PTPRD: variants seen among roughly 807,000 people sequenced by gnomAD.
The protein encoded by PTPRD is protein tyrosine phosphatase receptor type D.
In PTPRD, 34 loss-of-function variants were observed where a neutral mutation model predicts 214.5. The ratio of observed to expected loss-of-function variants is 0.16; its 90% CI spans 0.12 to 0.21. The LOEUF (loss-of-function observed/expected upper bound fraction) is 0.21, where lower values mean the gene tolerates loss of function less well. PTPRD is among the 10% of genes least tolerant of loss of function. PTPRD has a pLI of 1.00. For missense variants in PTPRD, 2,545 were observed against 2,398.7 expected (o/e 1.06, Z -1.27); for synonymous variants, 1,128 against 845.7 (o/e 1.33, Z -5.79).
intron 4 of PTPRD, among the ~76,000 whole-genome samples, chr9:9,981,475 C>T (rs1778705188): frequency 6.6e-6 from 1 of 151,372 alleles, no homozygotes; most frequent in Non-Finnish European, 1.5e-5. Context: ...CTGCCTGAGC[C>T]TCCCGAGTAG....
chr9:10,028,032 T>C (rs1485574708), intron 4 of PTPRD, among the ~76,000 whole-genome samples: 1 of 152,190 alleles, frequency 6.6e-6, no homozygotes, highest in East Asian at 1.9e-4. Flanking sequence ...GCAAATCTCA[T>C]GTTGAATTCC....
At chr9:9,594,493 C>T (rs540346801) in intron 7 of PTPRD, among the ~76,000 whole-genome samples, 3 of 152,126 alleles carry the variant, frequency 2.0e-5, no homozygotes, top group African/African-American at 7.2e-5. Context: ...CTACATGTGG[C>T]TTGCCAATTA....
chr9:9,658,106 T>G (rs1199588744), intron 7 of PTPRD, among the ~76,000 whole-genome samples: 1 of 152,076 alleles, frequency 6.6e-6, no homozygotes, highest in Non-Finnish European at 1.5e-5. Context: ...GCTGTTTTAT[T>G]TTTTTTATTT....
chr9:8,677,955 G>C (rs2097464943), intron 12 of PTPRD, among the ~76,000 whole-genome samples: 1 of 152,130 alleles, frequency 6.6e-6, no homozygotes, highest in Non-Finnish European at 1.5e-5. Context: ...GCCTCTGCTG[G>C]TGTTGAGGCT....
intron 11 of PTPRD, among the ~76,000 whole-genome samples, chr9:8,906,910 G>C (rs2098711802): frequency 6.6e-6 from 1 of 152,032 alleles, no homozygotes; most frequent in South Asian, 2.1e-4. Context: ...AGACTTGAGA[G>C]GGCCCAAACT....
chr9:10,204,815 T>A (rs999749392), intron 3 of PTPRD, among the ~76,000 whole-genome samples: 2 of 152,170 alleles, frequency 1.3e-5, no homozygotes, highest in Non-Finnish European at 1.5e-5. Flanking sequence ...AATCTCTAGT[T>A]GTCAAATCTG....
At chr9:8,931,944 T>C (rs1192109406) in intron 11 of PTPRD, among the ~76,000 whole-genome samples, 1 of 152,206 alleles carries the variant, frequency 6.6e-6, no homozygotes, top group Non-Finnish European at 1.5e-5. Context: ...TCTCATTTAT[T>C]TGCATAGAGG....
chr9:8,968,460 G>C (rs965414767), intron 11 of PTPRD, among the ~76,000 whole-genome samples: 15 of 151,842 alleles, frequency 9.9e-5, no homozygotes, highest in South Asian at 2.1e-4. Flanking sequence ...ACTGGTGTGA[G>C]ATGGTATCTC....
At chr9:8,738,141 T>C (rs566662793) in intron 11 of PTPRD, among the ~76,000 whole-genome samples, 50 of 152,316 alleles carry the variant, frequency 3.3e-4, no homozygotes, top group African/African-American at 1.1e-3. Flanking sequence ...ACATGGGTGG[T>C]TGGAGAAACT....
chr9:9,440,852 G>T (rs112635483), intron 8 of PTPRD, among the ~76,000 whole-genome samples: 1 of 152,114 alleles, frequency 6.6e-6, no homozygotes, highest in Non-Finnish European at 1.5e-5. Context: ...TTAGCACATG[G>T]GCTTTTCTGA....
intron 8 of PTPRD, among the ~76,000 whole-genome samples, chr9:9,501,620 A>G (rs2096417615): frequency 2.0e-5 from 3 of 151,910 alleles, no homozygotes; most frequent in Admixed American, 2.0e-4. Flanking sequence ...TTTCTTTCCA[A>G]GTGCGTATGA....
chr9:8,617,578 T>C (rs1595378376), intron 14 of PTPRD, among the ~76,000 whole-genome samples: 1 of 152,140 alleles, frequency 6.6e-6, no homozygotes, highest in African/African-American at 2.4e-5. Flanking sequence ...ACCTCTTGTC[T>C]AAGTACTGGG....
chr9:8,732,870 T>C (rs547006658), intron 12 of PTPRD, among the ~76,000 whole-genome samples: 4 of 152,174 alleles, frequency 2.6e-5, no homozygotes, highest in African/African-American at 9.7e-5. Context: ...TTAATCTCAC[T>C]GAAATAGTGG....
chr9:10,432,730 T>C (rs2098691353), intron 2 of PTPRD, among the ~76,000 whole-genome samples: 1 of 152,028 alleles, frequency 6.6e-6, no homozygotes, highest in South Asian at 2.1e-4. Flanking sequence ...TATAATGCTA[T>C]ATGAGGTTCT....
intron 27 of PTPRD, among the ~76,000 whole-genome samples, chr9:8,488,755 A>C (rs1447032696): frequency 6.6e-6 from 1 of 152,206 alleles, no homozygotes; most frequent in African/African-American, 2.4e-5. Context: ...GATTTGTCCA[A>C]ATGTCAGTGA....
chr9:9,883,246 T>C (rs960055644), intron 5 of PTPRD, among the ~76,000 whole-genome samples: 1 of 152,200 alleles, frequency 6.6e-6, no homozygotes, highest in African/African-American at 2.4e-5. Context: ...ATTTTTTCAA[T>C]CTTCTCTTGT....
At chr9:9,996,425 C>T (rs933333835) in intron 4 of PTPRD, among the ~76,000 whole-genome samples, 4 of 152,110 alleles carry the variant, frequency 2.6e-5, no homozygotes, top group African/African-American at 9.7e-5. Context: ...AAAACACTGG[C>T]AAATGAGATG....
At chr9:8,424,474 G>C (rs981259766) in intron 35 of PTPRD, among the ~76,000 whole-genome samples, 1 of 152,154 alleles carries the variant, frequency 6.6e-6, no homozygotes, top group South Asian at 2.1e-4. Context: ...GACTGAATGA[G>C]TTAATGTTTA....
chr9:8,337,151 A>G (rs1214839598), intron 43 of PTPRD, among the ~76,000 whole-genome samples: 1 of 152,232 alleles, frequency 6.6e-6, no homozygotes, highest in Non-Finnish European at 1.5e-5. Context: ...ATGCACACGT[A>G]TGTTTATTGT....
Sources: gnomAD v4.1 joint callset for allele counts (sites outside exome capture counted in the v4.1 genomes callset) on GRCh38, gnomAD v4.1.1 for gene constraint, MANE v1.5 for transcripts, NCBI Gene and HGNC (gene_info 2026-07-23, HGNC 2026-07-21) for gene names.